The following MYO18B variants were observed in gnomAD, a reference collection of about 807,000 sequenced individuals.
MYO18B encodes myosin XVIIIB.
A neutral mutation model predicts 273.0 loss-of-function variants in MYO18B; 204 were observed. That is an observed-to-expected ratio of 0.75 (90% CI 0.67 to 0.84). The LOEUF (loss-of-function observed/expected upper bound fraction) is 0.84, where lower values mean the gene tolerates loss of function less well. Among genes scored for constraint, MYO18B ranks in the 40% least tolerant of loss-of-function variants. The pLI is 0.00. For missense variants in MYO18B, 3,212 were observed against 3,287.6 expected, an observed-to-expected ratio of 0.98 and a Z score of 0.56; for synonymous variants, 1,330 against 1,305.7, an observed-to-expected ratio of 1.02 and a Z score of -0.40.
In MYO18B at chr22:25,967,520, CA is replaced by C. The variant is rs371114036; in HGVS notation, c.6156+12158del. ...CTGTTCTTTTTTGACAGAGCTTAAA[CA>C]ATAAGAAAGGGAGAGGGGATCTCAG... is the stretch of plus-strand genomic sequence containing the variant. On this transcript the variant is annotated intron_variant, in intron 39 of 43. Coordinates refer to ENST00000335473, the MANE Select transcript of MYO18B (RefSeq NM_032608.7). Among the ~76,000 whole-genome samples, 440 of 152,130 alleles carry C rather than the reference CA, an allele frequency of 2.9e-3. 3 individuals are homozygous for C. Among genetic ancestry groups the C allele is most frequent in the African/African-American group, 9.1e-3 (379 of 41,490 alleles).
chr22:25,745,063 A>T (rs2085737811), intron 1 of MYO18B, among the ~76,000 whole-genome samples: 1 of 152,208 alleles, frequency 6.6e-6, no homozygotes, highest in Non-Finnish European at 1.5e-5. Flanking sequence ...AGGAAAGGAT[A>T]AACCTCAGCT....
the MYO18B span, among the ~76,000 whole-genome samples, chr22:26,039,142 G>T: frequency 2.6e-5 from 4 of 152,156 alleles, no homozygotes. Context: ...TGCTCTGGCA[G>T]CTGATTAGAT....
intron 32 of MYO18B, among the ~76,000 whole-genome samples, chr22:25,910,580 A>G (rs1569180904): frequency 6.6e-6 from 1 of 152,096 alleles, no homozygotes; most frequent in Non-Finnish European, 1.5e-5. Context: ...TGCATTTTTG[A>G]TATGTTGGTT....
chr22:25,952,839 T>C (rs952910666), intron 38 of MYO18B, among the ~76,000 whole-genome samples: 2 of 152,244 alleles, frequency 1.3e-5, no homozygotes, highest in Non-Finnish European at 2.9e-5. Flanking sequence ...CCAACACTCA[T>C]TTTGAACAGA....
At chr22:25,873,035 A>G (rs917770866) in intron 22 of MYO18B, among the ~76,000 whole-genome samples, 2 of 152,208 alleles carry the variant, frequency 1.3e-5, no homozygotes, top group Admixed American at 6.5e-5. Flanking sequence ...GAAAATGACC[A>G]AAGCAAACCA....
chr22:25,863,301 G>A (rs1339030794), intron 21 of MYO18B, among the ~76,000 whole-genome samples: 1 of 151,902 alleles, frequency 6.6e-6, no homozygotes, highest in Non-Finnish European at 1.5e-5. Flanking sequence ...GAAGTGTTTG[G>A]CTGTTAAGTC....
chr22:26,033,720 C>A (rs2147048085), downstream of MYO18B, among the ~76,000 whole-genome samples: 1 of 152,184 alleles, frequency 6.6e-6, no homozygotes, highest in East Asian at 1.9e-4. Flanking sequence ...CTTTTCTTTT[C>A]TTTCTTTCTC....
intron 12 of MYO18B, among the ~76,000 whole-genome samples, chr22:25,817,501 T>C (rs1248177849): frequency 6.6e-6 from 1 of 151,554 alleles, no homozygotes. Flanking sequence ...TCATTTCTCT[T>C]TTGTTTGTTC....
At chr22:25,771,974 C>T (rs567151116) in intron 6 of MYO18B, among the ~76,000 whole-genome samples, 84 of 152,294 alleles carry the variant, frequency 5.5e-4, no homozygotes, top group African/African-American at 1.8e-3. Context: ...GAAATGGCAG[C>T]GGATGCTCGC....
the MYO18B span, among the ~76,000 whole-genome samples, chr22:26,045,880 A>T: frequency 6.6e-6 from 1 of 152,216 alleles, no homozygotes; most frequent in African/African-American, 2.4e-5. Flanking sequence ...CGTGTATACC[A>T]CTGGGCTTCT....
chr22:25,915,953 A>G (rs572291647), intron 33 of MYO18B, among the ~76,000 whole-genome samples: 12 of 152,312 alleles, frequency 7.9e-5, no homozygotes, highest in African/African-American at 2.9e-4. Context: ...TGGATCATGC[A>G]GTTCTTGCAG....
chr22:25,936,744 G>A (rs909675791), intron 34 of MYO18B, among the ~76,000 whole-genome samples: 1 of 152,154 alleles, frequency 6.6e-6, no homozygotes. Context: ...GGGTTCTGCT[G>A]TGGGCTCTCT....
intron 36 of MYO18B, among the ~76,000 whole-genome samples, chr22:25,950,132 T>C (rs926499133): frequency 2.0e-5 from 3 of 152,190 alleles, no homozygotes; most frequent in African/African-American, 7.2e-5. Context: ...AATAAAATGC[T>C]GGACAGTGGA....
rs547815493 is a variant in MYO18B at position 25,879,625 on chromosome 22, C to T, written c.4314+1577C>T. ...GGGTGACTACATGAATCAGACAGTT[C>T]CCACTCCAAGAAGGTCACTGCAAAT... On this transcript the variant is annotated intron_variant, in intron 25 of 43. Transcript: ENST00000335473. Among the ~76,000 whole-genome samples the T allele has an allele frequency of 7.9e-5, 12 of 152,168 alleles. 1 individual carries two copies. In the South Asian group the frequency reaches 2.5e-3, roughly 32 times the overall value.
chr22:25,797,467 G>A (rs1601723448), intron 11 of MYO18B, among the ~76,000 whole-genome samples: 1 of 152,202 alleles, frequency 6.6e-6, no homozygotes, highest in East Asian at 1.9e-4. Flanking sequence ...TCTCTGCATA[G>A]ACCTATAGCA....
chr22:26,056,981 A>G, the MYO18B span, among the ~76,000 whole-genome samples: 1 of 152,158 alleles, frequency 6.6e-6, no homozygotes, highest in African/African-American at 2.4e-5. Flanking sequence ...AAAATCTCAG[A>G]ATGGCTTCAC....
At chr22:26,018,992 A>G in intron 42 of MYO18B, among the ~76,000 whole-genome samples, 1 of 152,222 alleles carries the variant, frequency 6.6e-6, no homozygotes, top group South Asian at 2.1e-4. Flanking sequence ...CCCAGGCACC[A>G]GTATTGACTG....
At chr22:25,811,015 T>A (rs115876665) in intron 12 of MYO18B, among the ~76,000 whole-genome samples, 3,093 of 150,052 alleles carry the variant, frequency 0.021, 80 homozygotes, top group East Asian at 0.11. Flanking sequence ...TTTCTTAAAC[T>A]TTTTTTTTTC....
intron 6 of MYO18B, among the ~76,000 whole-genome samples, chr22:25,771,986 C>T (rs1432628314): frequency 6.6e-6 from 1 of 152,218 alleles, no homozygotes; most frequent in African/African-American, 2.4e-5. Flanking sequence ...GATGCTCGCA[C>T]ACACTGGAGC....
Sources: gnomAD v4.1 joint callset for allele counts (sites outside exome capture counted in the v4.1 genomes callset) on GRCh38, gnomAD v4.1.1 for gene constraint, MANE v1.5 for transcripts, NCBI Gene and HGNC (gene_info 2026-07-23, HGNC 2026-07-21) for gene names.